The following F11R variants were observed in gnomAD, a reference collection of about 807,000 sequenced individuals.
F11R encodes F11 receptor, also known as junctional adhesion molecule A.
F11R carries 27 observed loss-of-function variants against 39.3 expected under a neutral mutation model. The ratio of observed to expected loss-of-function variants is 0.69; its 90% CI spans 0.51 to 0.95. The LOEUF (loss-of-function observed/expected upper bound fraction) is 0.95. F11R is among the 40% of genes least tolerant of loss of function. The pLI is 0.00. For synonymous variants in F11R, 131 were observed against 144.9 expected (o/e 0.90, Z 0.69); for missense variants, 335 against 372.7 (o/e 0.90, Z 0.83).
At chr1:161,002,282 A>AAC (rs1557890513) in intron 1 of F11R, among the ~76,000 whole-genome samples, 3 of 150,916 alleles carry the variant, frequency 2.0e-5, no homozygotes, top group South Asian at 2.1e-4. Flanking sequence ...AAAAAAAAAA[A>AAC]ACACACAACT....
intron 1 of F11R, among the ~76,000 whole-genome samples, chr1:161,009,706 G>A (rs888195504): frequency 2.0e-5 from 3 of 151,768 alleles, no homozygotes; most frequent in Admixed American, 6.6e-5. Flanking sequence ...GGTGGCTCAC[G>A]CCTATAATCC....
At chr1:161,016,812 G>A (rs1478730326) in intron 1 of F11R, among the ~76,000 whole-genome samples, 2 of 152,270 alleles carry the variant, frequency 1.3e-5, no homozygotes, top group African/African-American at 4.8e-5. Flanking sequence ...TAGAGGGAGA[G>A]GAAAGGAGGA....
At chr1:161,015,397 C>A (rs370854108) in intron 1 of F11R, among the ~76,000 whole-genome samples, 5 of 113,616 alleles carry the variant, frequency 4.4e-5, no homozygotes, top group African/African-American at 1.0e-4. Context: ...GACTCCATCT[C>A]AAAAAAAAAA....
Position 161,001,074 on chromosome 1 carries a change from T to G in F11R, c.187A>C (p.Lys63Gln). The G allele has an allele frequency of 1.2e-6, 2 of 1,613,922 alleles. No individual in the cohort carries two copies. The highest frequency in any genetic ancestry group is 1.7e-6 in the Non-Finnish European group (2 of 1,179,974). ...SGFSSPRVEW[K>Q]FDQGDTTRLV... The stretch of plus-strand genomic sequence containing the variant: ...CTGGTGGTGTCTCCTTGGTCAAACT[T>G]CCACTCCACACGGGGAGAAGAAAAG... Residue 63 changes from lysine (K) to glutamine (Q), a missense_variant, in exon 3 of 10, where the codon AAG becomes CAG. By Grantham distance (53) the Lys-to-Gln change is moderately conservative. Coordinates refer to ENST00000368026, the MANE Select transcript of F11R (RefSeq NM_016946.6).
chr1:161,003,365 C>T (rs1469166334), intron 1 of F11R, among the ~76,000 whole-genome samples: 3 of 151,786 alleles, frequency 2.0e-5, no homozygotes, highest in East Asian at 1.9e-4. Flanking sequence ...TCAGGTGATC[C>T]GCCCGCCTCA....
At chr1:161,000,038 T>C in intron 5 of F11R, 60 bp from the exon 6 acceptor site, 1 of 1,599,034 alleles carries the variant, frequency 6.3e-7, no homozygotes, top group Admixed American at 1.7e-5. Flanking sequence ...TTTTTTAATG[T>C]CTCTTGACCC....
Position 160,996,837 on chromosome 1 carries a change from T to C in F11R, c.*2034A>G, listed in dbSNP as rs1358591636. ...ACTGAACCATTTCATAAGCTCTACTTTATTTGTCTAGTTGGATTTCATTTC... is the reference window on the plus strand; with the variant it reads ...ACTGAACCATTTCATAAGCTCTACTCTATTTGTCTAGTTGGATTTCATTTC... On this transcript the variant is annotated 3_prime_UTR_variant, in exon 10 of 10. Coordinates refer to ENST00000368026, the MANE Select transcript of F11R (RefSeq NM_016946.6). The C allele has an allele frequency of 6.6e-6, 1 of 152,316 alleles. No homozygotes were observed. The highest frequency in any genetic ancestry group is 1.5e-5 in the Non-Finnish European group (1 of 68,030). The allele number at this position is 152,316 out of a possible 1,614,324, so 9.4% of individuals were successfully genotyped here.
At chr1:161,019,706 CTA>C (rs1229223027) in intron 1 of F11R, among the ~76,000 whole-genome samples, 1 of 151,784 alleles carries the variant, frequency 6.6e-6, no homozygotes, top group Non-Finnish European at 1.5e-5. Flanking sequence ...AGTTCTTGTG[CTA>C]TAGGGTGCCT....
At chr1:161,009,883 C>T (rs1448310069) in intron 1 of F11R, among the ~76,000 whole-genome samples, 2 of 151,836 alleles carry the variant, frequency 1.3e-5, no homozygotes, top group African/African-American at 4.8e-5. Flanking sequence ...GTGGAGGCTG[C>T]AGTGAGCTGA....
intron 1 of F11R, among the ~76,000 whole-genome samples, chr1:161,015,760 A>G (rs957963598): frequency 5.3e-5 from 8 of 152,054 alleles, no homozygotes; most frequent in African/African-American, 1.9e-4. Context: ...TTGTGTCAGA[A>G]AGGGGAGAAA....
rs1036444222 is a variant in F11R, at chr1:160,997,877, C to G, written c.*994G>C. ...AAGACCACTACACACATCTCCACAG[C>G]ACCACAGGCACATCTCAAAAGGGTC... On this transcript the variant is annotated 3_prime_UTR_variant, in exon 10 of 10. Coordinates refer to ENST00000368026, the MANE Select transcript of F11R (RefSeq NM_016946.6). The G allele has an allele frequency of 6.5e-6, 1 of 153,010 alleles. No homozygotes were observed. Among genetic ancestry groups the G allele is most frequent in the Non-Finnish European group, 1.5e-5 (1 of 68,134 alleles). 9.5% of individuals were successfully genotyped at this position (153,010 alleles called of 1,614,324 possible). A position where few individuals can be genotyped will look rare whatever the true frequency, so the allele number is the denominator to read the frequency against.
rs1329927737 is a variant in F11R, at chr1:160,999,102, G to A, written c.816-11C>T. On this transcript the variant is annotated splice_polypyrimidine_tract_variant and intron_variant, in intron 8 of 9. Transcript: ENST00000368026. The stretch of plus-strand genomic sequence containing the variant: ...TTCTTACTCGAAGTCCTGTGAACAA[G>A]CCAGAAGACAGAGACACTCAGCCAC... 1 of 1,614,172 alleles carries A rather than the reference G, an allele frequency of 6.2e-7. No individual in the cohort carries two copies.
intron 1 of F11R, among the ~76,000 whole-genome samples, chr1:161,002,226 C>A (rs1648533401): frequency 6.7e-6 from 1 of 148,982 alleles, no homozygotes. Context: ...CGCGCCACTG[C>A]CCTCCAGCCT....
intron 1 of F11R, among the ~76,000 whole-genome samples, chr1:161,014,848 T>C (rs1649360931): frequency 6.7e-6 from 1 of 149,628 alleles, no homozygotes. Flanking sequence ...TGGGGGCAGA[T>C]CACAAGGCCA....
At chr1:161,009,866 C>T (rs1649031225) in intron 1 of F11R, among the ~76,000 whole-genome samples, 1 of 151,748 alleles carries the variant, frequency 6.6e-6, no homozygotes, top group South Asian at 2.1e-4. Context: ...CCACTTGAGC[C>T]CAGGAGGTGG....
Position 160,998,220 on chromosome 1 carries a change from C to T in F11R, c.*651G>A, listed in dbSNP as rs751290119. ...CAGCGGTTTTAAATCCTTTTGGCTT[C>T]AAGTTCTCTGAAAATTTACTATGCT... On this transcript the variant is annotated 3_prime_UTR_variant, in exon 10 of 10. Transcript: ENST00000368026. The T allele has an allele frequency of 6.6e-6, 1 of 152,670 alleles. No homozygotes were observed. 9.5% of individuals were successfully genotyped at this position (152,670 alleles called of 1,614,324 possible).
intron 7 of F11R, 39 bp downstream of exon 7, chr1:160,999,601 G>A (rs771781409): frequency 1.9e-6 from 3 of 1,580,642 alleles, no homozygotes; most frequent in East Asian, 2.2e-5. Flanking sequence ...CCTGGGATGG[G>A]GGCAGTACAA....
chr1:160,998,557 C>G lies in F11R; in HGVS notation c.*314G>C. ...GTTGAGTGCAGATTCCTGCGACCCC[C>G]GCCATTTTTGCTGTCTACTTAGAAG... On this transcript the variant is annotated 3_prime_UTR_variant, in exon 10 of 10. Coordinates refer to ENST00000368026, the MANE Select transcript of F11R (RefSeq NM_016946.6). The G allele has an allele frequency of 3.8e-6, 2 of 529,968 alleles. No homozygotes were observed. The highest frequency in any genetic ancestry group is 6.7e-6 in the Non-Finnish European group (2 of 298,348). The allele number at this position is 529,968 out of a possible 1,614,324, so 32.8% of individuals were successfully genotyped here.
intron 1 of F11R, among the ~76,000 whole-genome samples, chr1:161,016,761 C>T (rs971489314): frequency 6.6e-6 from 1 of 152,122 alleles, no homozygotes; most frequent in African/African-American, 2.4e-5. Flanking sequence ...AAGTGCCAGT[C>T]ACCAGTTTCT....
Sources: gnomAD v4.1 joint callset for allele counts (sites outside exome capture counted in the v4.1 genomes callset) on GRCh38, gnomAD v4.1.1 for gene constraint, MANE v1.5 for transcripts, NCBI Gene and HGNC (gene_info 2026-07-23, HGNC 2026-07-21) for gene names.